The following EYS variants were observed in gnomAD, a reference collection of about 807,000 sequenced individuals.
EYS encodes the protein EGF-like photoreceptor maintenance factor.
A neutral mutation model predicts 282.1 loss-of-function variants in EYS; 250 were observed. That is an observed-to-expected ratio of 0.89 (90% CI 0.80 to 0.98). The LOEUF (loss-of-function observed/expected upper bound fraction) is 0.98, where lower values mean the gene tolerates loss of function less well. Among genes scored for constraint, EYS ranks in the 50% least tolerant of loss-of-function variants. The probability of loss-of-function intolerance (pLI) is 0.00; values close to 1 mark genes in which losing one functional copy is unlikely to be tolerated. For synonymous variants in EYS, 1,355 were observed against 1,282.9 expected (o/e 1.06, Z -1.20); for missense variants, 4,016 against 3,709.0 (o/e 1.08, Z -2.15).
At chr6:65,168,619 A>G (rs1765032383) in intron 12 of EYS, among the ~76,000 whole-genome samples, 1 of 151,152 alleles carries the variant, frequency 6.6e-6, no homozygotes, top group Non-Finnish European at 1.5e-5. Context: ...CCACCCTCCA[A>G]TACCATCATC....
At chr6:65,374,130 G>C (rs1212082581) in intron 8 of EYS, among the ~76,000 whole-genome samples, 1 of 152,164 alleles carries the variant, frequency 6.6e-6, no homozygotes, top group African/African-American at 2.4e-5. Flanking sequence ...GCAGCTCTCA[G>C]CAAGACTAAC....
rs577835689 is a variant in EYS, at chr6:64,627,249, C to T, written c.3444-1004G>A. On this transcript the variant is annotated intron_variant, in intron 22 of 42. Transcript: ENST00000503581. ...CCAGTTGGGAAAATAGACAAGTAGC[C>T]GACACAATTATATGATAAATGCTAT... 9.3e-4 allele frequency among the ~76,000 whole-genome samples: 141 copies of T among 151,990 alleles called. 2 individuals are homozygous for T. In the South Asian group the frequency reaches 0.028, roughly 30 times the overall value.
chr6:64,130,168 G>C (rs1773923577), intron 31 of EYS, among the ~76,000 whole-genome samples: 1 of 152,144 alleles, frequency 6.6e-6, no homozygotes, highest in Non-Finnish European at 1.5e-5. Context: ...CTGCTATAAA[G>C]ACACATGCAC....
chr6:64,729,809 A>C (rs1771893751), intron 22 of EYS, among the ~76,000 whole-genome samples: 2 of 152,258 alleles, frequency 1.3e-5, no homozygotes, highest in South Asian at 4.1e-4. Context: ...AAGGAATAAA[A>C]GCATTTCATC....
chr6:63,824,611 C>T (rs993958320), intron 36 of EYS, among the ~76,000 whole-genome samples: 13 of 152,190 alleles, frequency 8.5e-5, no homozygotes, highest in Non-Finnish European at 1.8e-4. Flanking sequence ...ACCCTCCTCT[C>T]CCGAGCACAT....
chr6:63,729,841 A>G lies in EYS; in HGVS notation c.8072-3161T>C, dbSNP rs931196462. The stretch of plus-strand genomic sequence containing the variant: ...AGCCCATCTCTCTTCTTTTCTTTCC[A>G]TTAGTGACCTCTCATCTAATTCCAT... On this transcript the variant is annotated intron_variant, in intron 41 of 42. Transcript: ENST00000503581. Among the ~76,000 whole-genome samples the G allele has an allele frequency of 4.0e-5, 6 of 151,898 alleles. 1 individual carries two copies. The South Asian group carries it at 8.3e-4, about 21-fold the overall frequency.
rs928584111 is a variant in EYS at position 63,753,962 on chromosome 6, A to G, written c.8071+8499T>C. 3.4e-5 allele frequency among the ~76,000 whole-genome samples: 5 copies of G among 147,422 alleles called. No homozygotes were observed. The South Asian group carries it at 1.1e-3, about 33-fold the overall frequency. Reference sequence around the variant, plus strand: ...AAGTCTTACCCATCCTTTGAAACCTAATTAATTCTATCACTTTCTAATGCC... The same window carrying G: ...AAGTCTTACCCATCCTTTGAAACCTGATTAATTCTATCACTTTCTAATGCC... On this transcript the variant is annotated intron_variant, in intron 41 of 42. Transcript: ENST00000503581.
At chr6:65,038,377 T>C (rs986490664) in intron 13 of EYS, among the ~76,000 whole-genome samples, 2 of 151,472 alleles carry the variant, frequency 1.3e-5, no homozygotes, top group Non-Finnish European at 3.0e-5. Context: ...TATCTTTTGT[T>C]TAGCATAATA....
At chr6:64,159,559 T>TAAAA (rs35139594) in intron 31 of EYS, among the ~76,000 whole-genome samples, 19 of 59,938 alleles carry the variant, frequency 3.2e-4, no homozygotes, top group Admixed American at 1.7e-3. Context: ...GACTCTGTCT[T>TAAAA]AAAAAAAAAA....
chr6:65,193,020 G>A (rs1361111806), intron 12 of EYS, among the ~76,000 whole-genome samples: 1 of 151,724 alleles, frequency 6.6e-6, no homozygotes, highest in African/African-American at 2.4e-5. Context: ...CCTTTCATTT[G>A]CAACAACATG....
chr6:65,032,869 G>A (rs1027781015), intron 13 of EYS, among the ~76,000 whole-genome samples: 1 of 152,098 alleles, frequency 6.6e-6, no homozygotes, highest in Admixed American at 6.6e-5. Context: ...GGGAAGATAA[G>A]GGAAAGTTTA....
chr6:63,847,309 G>T (rs1016997224), intron 36 of EYS, among the ~76,000 whole-genome samples: 3 of 152,192 alleles, frequency 2.0e-5, no homozygotes, highest in Admixed American at 6.5e-5. Flanking sequence ...TAATCTTAAT[G>T]CAATGTAGGT....
intron 12 of EYS, among the ~76,000 whole-genome samples, chr6:65,192,417 A>G (rs577758875): frequency 6.6e-6 from 1 of 151,744 alleles, no homozygotes; most frequent in South Asian, 2.1e-4. Flanking sequence ...TTTTTCAAGA[A>G]AAATTGTAAC....
At chr6:64,530,738 T>C (rs979506684) in intron 26 of EYS, among the ~76,000 whole-genome samples, 1 of 152,208 alleles carries the variant, frequency 6.6e-6, no homozygotes, top group South Asian at 2.1e-4. Flanking sequence ...TTGAAAAACA[T>C]CTCCTGGCTA....
At chr6:65,171,584 G>A (rs1054217148) in intron 12 of EYS, among the ~76,000 whole-genome samples, 2 of 150,964 alleles carry the variant, frequency 1.3e-5, no homozygotes, top group African/African-American at 2.4e-5. Context: ...TTAGTTGTGC[G>A]AGGTCGTTTC....
intron 29 of EYS, among the ~76,000 whole-genome samples, chr6:64,366,770 A>AG (rs1772197614): frequency 6.6e-6 from 1 of 152,052 alleles, no homozygotes; most frequent in Non-Finnish European, 1.5e-5. Context: ...TGTGGACAAT[A>AG]GGAAGAAAAC....
chr6:65,356,624 C>T (rs1236727489), intron 8 of EYS, among the ~76,000 whole-genome samples: 2 of 151,818 alleles, frequency 1.3e-5, no homozygotes, highest in East Asian at 1.9e-4. Context: ...GTACTTATAC[C>T]CTTCTATACT....
chr6:63,990,442 T>C (rs1767554481), intron 34 of EYS, among the ~76,000 whole-genome samples: 1 of 151,746 alleles, frequency 6.6e-6, no homozygotes, highest in African/African-American at 2.4e-5. Flanking sequence ...AACTCCCAGC[T>C]TCCAGTTTTG....
At chr6:64,241,556 T>A (rs1766827634) in intron 30 of EYS, among the ~76,000 whole-genome samples, 1 of 151,992 alleles carries the variant, frequency 6.6e-6, no homozygotes, top group Admixed American at 6.6e-5. Flanking sequence ...TTCTGTGGGG[T>A]CAGTGTTGTT....
Sources: gnomAD v4.1 joint callset for allele counts (sites outside exome capture counted in the v4.1 genomes callset) on GRCh38, gnomAD v4.1.1 for gene constraint, MANE v1.5 for transcripts, NCBI Gene and HGNC (gene_info 2026-07-23, HGNC 2026-07-21) for gene names.